The following STARD13 variants were observed in gnomAD, a reference collection of about 807,000 sequenced individuals.
STARD13 encodes the protein StAR related lipid transfer domain containing 13, also known as stAR-related lipid transfer protein 13.
STARD13 carries 62 observed loss-of-function variants against 106.4 expected under a neutral mutation model. That is an observed-to-expected ratio of 0.58 (90% confidence interval 0.48 to 0.72). STARD13 has a LOEUF of 0.72. STARD13 is among the 30% of genes least tolerant of loss of function. The pLI is 0.00. For missense variants in STARD13, 1,387 were observed against 1,424.0 expected (o/e 0.97, Z 0.42); for synonymous variants, 565 against 553.0 (o/e 1.02, Z -0.31).
the STARD13 span, among the ~76,000 whole-genome samples, chr13:33,487,998 C>T: frequency 6.6e-6 from 1 of 152,156 alleles, no homozygotes; most frequent in Non-Finnish European, 1.5e-5. Context: ...ATCTAATCCT[C>T]TCCTTCCCTT....
rs560465149 is a variant in STARD13, at chr13:33,133,760, C to T, written c.388-3471G>A. ...TATTTTTTTAAATGTTGTTTGTGAT[C>T]CACCAAATTCACTTGACAACCTACC... On this transcript the variant is annotated intron_variant, in intron 4 of 13. Transcript: ENST00000336934. 1.6e-4 allele frequency among the ~76,000 whole-genome samples: 25 copies of T among 151,658 alleles called. No homozygotes were observed. In the South Asian group the frequency reaches 2.5e-3, roughly 15 times the overall value.
chr13:33,362,484 C>T, the STARD13 span, among the ~76,000 whole-genome samples: 11 of 152,194 alleles, frequency 7.2e-5, no homozygotes, highest in Non-Finnish European at 1.5e-4. Context: ...TCAAATCCAT[C>T]TTTGGAGTCC....
chr13:33,144,327 C>T (rs1221593353), intron 3 of STARD13, among the ~76,000 whole-genome samples: 1 of 152,122 alleles, frequency 6.6e-6, no homozygotes, highest in Non-Finnish European at 1.5e-5. Flanking sequence ...AATCTACATT[C>T]GTTGATCACC....
At chr13:33,206,910 C>G (rs914088779) in intron 1 of STARD13, among the ~76,000 whole-genome samples, 1 of 152,180 alleles carries the variant, frequency 6.6e-6, no homozygotes. Flanking sequence ...GGATTCGAGT[C>G]TCAGTTTTAT....
the STARD13 span, among the ~76,000 whole-genome samples, chr13:33,523,037 A>C: frequency 6.6e-6 from 1 of 152,052 alleles, no homozygotes; most frequent in African/African-American, 2.4e-5. Context: ...AATATTTTCC[A>C]TTTGACTATC....
chr13:33,169,039 C>CT (rs1259395601), intron 1 of STARD13, among the ~76,000 whole-genome samples: 1 of 152,198 alleles, frequency 6.6e-6, no homozygotes, highest in Non-Finnish European at 1.5e-5. Flanking sequence ...ATTTCAAAAG[C>CT]TTGAGATTTG....
chr13:33,133,326 C>A (rs1878585352), intron 4 of STARD13, among the ~76,000 whole-genome samples: 1 of 152,114 alleles, frequency 6.6e-6, no homozygotes, highest in South Asian at 2.1e-4. Context: ...ATATTTACAG[C>A]CCAACTAAGG....
At chr13:33,613,299 G>A in the STARD13 span, among the ~76,000 whole-genome samples, 196 of 152,354 alleles carry the variant, frequency 1.3e-3, 1 homozygote, top group South Asian at 5.0e-3. Context: ...TTACACAGTA[G>A]TGAATTGAAG....
chr13:33,441,830 A>G, the STARD13 span, among the ~76,000 whole-genome samples: 1 of 152,184 alleles, frequency 6.6e-6, no homozygotes, highest in Non-Finnish European at 1.5e-5. Context: ...GCAAATCCAC[A>G]AAAGAGTTGG....
intron 1 of STARD13, chr13:33,278,435 C>T (rs917842741): frequency 1.3e-5 from 2 of 152,006 alleles, no homozygotes; most frequent in Admixed American, 6.6e-5. Context: ...TACCCACCCA[C>T]CCACACCCAA....
chr13:33,442,374 C>T, the STARD13 span, among the ~76,000 whole-genome samples: 8 of 152,176 alleles, frequency 5.3e-5, no homozygotes, highest in African/African-American at 1.7e-4. Flanking sequence ...ATAAATAATC[C>T]TTGGCACAAT....
At chr13:33,500,649 A>ATCTTTTCTGCCTCAGACTGTGATGACT in the STARD13 span, among the ~76,000 whole-genome samples, 1 of 152,162 alleles carries the variant, frequency 6.6e-6, no homozygotes, top group African/African-American at 2.4e-5. Flanking sequence ...GCTTGATGAA[A>ATCTTTTCTGCCTCAGACTGTGATGACT]TCCTTTCTGC....
chr13:33,498,821 TGA>T, the STARD13 span, among the ~76,000 whole-genome samples: 1 of 152,236 alleles, frequency 6.6e-6, no homozygotes, highest in Non-Finnish European at 1.5e-5. Flanking sequence ...TCAGAAATAC[TGA>T]GAGAGGAATC....
the STARD13 span, among the ~76,000 whole-genome samples, chr13:33,395,402 A>C: frequency 6.6e-6 from 1 of 152,154 alleles, no homozygotes; most frequent in South Asian, 2.1e-4. Flanking sequence ...GAATATATTT[A>C]TAATATTTAT....
At chr13:33,619,786 G>A in the STARD13 span, among the ~76,000 whole-genome samples, 2 of 152,258 alleles carry the variant, frequency 1.3e-5, no homozygotes, top group Non-Finnish European at 2.9e-5. Flanking sequence ...GTTAGAGGCC[G>A]GTTGCAGTGG....
At chr13:33,273,815 A>G (rs1891279618) in intron 1 of STARD13, 1 of 152,222 alleles carries the variant, frequency 6.6e-6, no homozygotes, top group African/African-American at 2.4e-5. Context: ...TAAAACTGGA[A>G]AGGTTTACAA....
At chr13:33,193,973 A>C (rs1886434677) in intron 1 of STARD13, among the ~76,000 whole-genome samples, 1 of 151,368 alleles carries the variant, frequency 6.6e-6, no homozygotes, top group Non-Finnish European at 1.5e-5. Context: ...GAGTTGAAAC[A>C]AAAAAAGGCC....
chr13:33,382,615 A>T, the STARD13 span, among the ~76,000 whole-genome samples: 1 of 152,210 alleles, frequency 6.6e-6, no homozygotes, highest in Non-Finnish European at 1.5e-5. Context: ...TGGATTCAAG[A>T]ACTCTAAAAG....
At chr13:33,590,389 C>G in the STARD13 span, among the ~76,000 whole-genome samples, 2 of 152,160 alleles carry the variant, frequency 1.3e-5, no homozygotes, top group East Asian at 3.9e-4. Flanking sequence ...CTCCTAAAGA[C>G]ACATGCACAC....
Sources: allele counts gnomAD v4.1 joint callset (sites outside exome capture counted in the v4.1 genomes callset), GRCh38; gene constraint gnomAD v4.1.1; transcripts MANE v1.5; gene names NCBI Gene and HGNC (gene_info 2026-07-23, HGNC 2026-07-21).